ARNT: variants seen among roughly 807,000 people sequenced by gnomAD.
ARNT encodes class E basic helix-loop-helix protein 2.
A neutral mutation model predicts 105.0 loss-of-function variants in ARNT; 30 were observed. That is an observed-to-expected ratio of 0.29 (90% confidence interval 0.21 to 0.39). The LOEUF is 0.39. ARNT is among the 10% of genes least tolerant of loss of function. ARNT has a pLI of 1.00. For synonymous variants in ARNT, 304 were observed against 344.0 expected (o/e 0.88, Z 1.29); for missense variants, 748 against 978.7 (o/e 0.76, Z 3.15).
At chr1:150,871,907 CAA>C (rs776523588) in intron 1 of ARNT, among the ~76,000 whole-genome samples, 10 of 40,088 alleles carry the variant, frequency 2.5e-4, no homozygotes, top group Admixed American at 4.0e-4. Flanking sequence ...GACCCTGTCT[CAA>C]AAAAAAAAAA....
intron 2 of ARNT, among the ~76,000 whole-genome samples, chr1:150,856,679 C>T (rs1664674381): frequency 1.3e-5 from 2 of 152,118 alleles, no homozygotes; most frequent in South Asian, 4.1e-4. Flanking sequence ...AGGAGAATCC[C>T]TTGAACCAGA....
chr1:150,815,757 G>A (rs1449288772), intron 19 of ARNT, among the ~76,000 whole-genome samples: 1 of 150,738 alleles, frequency 6.6e-6, no homozygotes, highest in African/African-American at 2.4e-5. Flanking sequence ...CCAGCTACTT[G>A]GAAGGCTGAG....
In ARNT at chr1:150,810,816, A is replaced by G. The variant is rs147463981; in HGVS notation, c.*1205T>C. 9 of 219,890 alleles carry G rather than the reference A, an allele frequency of 4.1e-5. No individual in the cohort carries two copies. In the East Asian group the frequency reaches 6.0e-4, roughly 15 times the overall value. 13.6% of individuals were successfully genotyped at this position (219,890 alleles called of 1,614,324 possible). A position where few individuals can be genotyped will look rare whatever the true frequency, so the allele number is the denominator to read the frequency against. ...TACTTGCACTCTAAAGCAAAACCCA[A>G]TCTCAAGATTGGAGGGAGCAAAGAG... On this transcript the variant is annotated 3_prime_UTR_variant, in exon 22 of 22. Transcript: ENST00000358595.
intron 1 of ARNT, among the ~76,000 whole-genome samples, chr1:150,871,780 T>C (rs1571547418): frequency 6.7e-6 from 1 of 149,632 alleles, no homozygotes; most frequent in African/African-American, 2.4e-5. Context: ...TGATGGCAGG[T>C]GCCTGTAATC....
In ARNT at chr1:150,814,224, C is replaced by T; in HGVS notation, c.1966G>A (p.Ala656Thr). Residue 656 changes from alanine to threonine, a missense_variant, in exon 20 of 22, where the codon GCT (alanine) becomes ACT (threonine). Physicochemically the swap from Ala to Thr is moderately conservative, Grantham distance 58. Coordinates refer to ENST00000358595, the MANE Select transcript of ARNT (RefSeq NM_001668.4). ...GFSAQQVATQ[A>T]TAKTRTSQFG... is the part of the protein sequence containing the mutation. ...TGGGAAGTACGAGTCTTAGCAGTAG[C>T]CTGGGTAGCCACCTGCTAAAGAGAG... The T allele has an allele frequency of 1.9e-6, 3 of 1,614,036 alleles. No homozygotes were observed. Among genetic ancestry groups the T allele is most frequent in the Non-Finnish European group, 2.5e-6 (3 of 1,179,982 alleles).
At chr1:150,846,036 C>T (rs1466959771) in intron 4 of ARNT, among the ~76,000 whole-genome samples, 1 of 152,202 alleles carries the variant, frequency 6.6e-6, no homozygotes, top group Admixed American at 6.5e-5. Flanking sequence ...TTAGTTATCA[C>T]ATACACAGAA....
At chr1:150,842,177 A>G in intron 5 of ARNT, 1 of 798,186 alleles carries the variant, frequency 1.3e-6, no homozygotes, top group African/African-American at 1.9e-5. Context: ...ATAAAGAGAA[A>G]AAGAAAAAAA....
At chr1:150,842,845 AC>A (rs1661530805) in intron 4 of ARNT, among the ~76,000 whole-genome samples, 1 of 152,204 alleles carries the variant, frequency 6.6e-6, no homozygotes. Flanking sequence ...CTGAACAAGA[AC>A]CAACCAAGGG....
chr1:150,830,189 T>A, intron 10 of ARNT: 1 of 487,120 alleles, frequency 2.1e-6, no homozygotes, highest in Non-Finnish European at 3.7e-6. Context: ...CTACTAAAAA[T>A]ACAAAAATTA....
rs1238485591 is a variant in ARNT, at chr1:150,842,446, C to T, written c.250G>A (p.Ala84Thr). The change falls in exon 5 of 22, where the codon GCG (alanine) becomes ACG (threonine). Residue 84 changes from alanine (A) to threonine (T), a missense_variant. This residue lies in a region of ARNT where 291 missense variants were observed against 444.6 expected (regional missense o/e 0.65). Coordinates refer to ENST00000358595, the MANE Select transcript of ARNT (RefSeq NM_001668.4). ...TACCTGGCAAGTCTCTCTTTATCCG[C>T]AGAGCTCTGCTCATCATCCGACCTA... ...FARSDDEQSS[A>T]DKERLARENH... The T allele has an allele frequency of 4.3e-6, 7 of 1,610,010 alleles. No individual in the cohort carries two copies. The highest frequency in any genetic ancestry group is 1.3e-5 in the African/African-American group (1 of 74,518).
chr1:150,841,232 G>A (rs986704591), intron 5 of ARNT, among the ~76,000 whole-genome samples: 1 of 151,234 alleles, frequency 6.6e-6, no homozygotes, highest in Admixed American at 6.6e-5. Context: ...TTACAAGCAT[G>A]AGCCACTGCG....
At chr1:150,831,996 C>T (rs1659437725) in intron 9 of ARNT, 93 bp from the exon 10 acceptor site, 3 of 865,374 alleles carry the variant, frequency 3.5e-6, no homozygotes, top group Non-Finnish European at 5.5e-6. Flanking sequence ...AGTTTATGCT[C>T]TTAGGAGTTT....
intron 1 of ARNT, among the ~76,000 whole-genome samples, chr1:150,859,550 TCTCA>T (rs1285578869): frequency 6.6e-6 from 1 of 151,066 alleles, no homozygotes; most frequent in East Asian, 1.9e-4. Flanking sequence ...AGAGATAGGG[TCTCA>T]CTGTGTTCCC....
chr1:150,816,402 T>C lies in ARNT; in HGVS notation c.1807A>G (p.Ser603Gly), dbSNP rs1473453633. 7 of 1,603,420 alleles carry C rather than the reference T, an allele frequency of 4.4e-6. No individual in the cohort carries two copies. The highest frequency in any genetic ancestry group is 4.2e-6 in the Non-Finnish European group (5 of 1,177,110). ...ATGGTTACAGGAGGGGCTAGGCCACTATTCCTAGGAGTGAATAAATGAGGT... is the reference window on the plus strand; with the variant it reads ...ATGGTTACAGGAGGGGCTAGGCCACCATTCCTAGGAGTGAATAAATGAGGT... ...TPRPAENFRN[S>G]GLAPPVTIVQ... The change falls in exon 19 of 22, where the codon AGT becomes GGT. Residue 603 changes from serine (S) to glycine (G), a missense_variant. Ser to Gly is a moderately conservative substitution (Grantham distance 56). Transcript: ENST00000358595.
At chr1:150,816,195 T>C in intron 19 of ARNT, 64 bp downstream of exon 19, 2 of 1,529,908 alleles carry the variant, frequency 1.3e-6, no homozygotes, top group Non-Finnish European at 1.8e-6. Context: ...TGATTTTACA[T>C]ACGGAAAAAA....
intron 11 of ARNT, 104 bp downstream of exon 11, chr1:150,829,800 A>T: frequency 2.4e-6 from 3 of 1,242,418 alleles, no homozygotes; most frequent in Non-Finnish European, 3.4e-6. Flanking sequence ...AGTTTTATGG[A>T]ATTCTTCATT....
intron 1 of ARNT, among the ~76,000 whole-genome samples, chr1:150,873,504 C>T (rs587731865): frequency 1.8e-4 from 27 of 152,146 alleles, no homozygotes; most frequent in African/African-American, 6.5e-4. Flanking sequence ...AGAGTACCAA[C>T]CATATTTTAC....
At chr1:150,822,426 T>C (rs1012610167) in intron 14 of ARNT, among the ~76,000 whole-genome samples, 2 of 152,086 alleles carry the variant, frequency 1.3e-5, no homozygotes, top group African/African-American at 2.4e-5. Context: ...TAAGGTTAAG[T>C]TGATTACCAA....
chr1:150,873,141 T>G (rs1557979437), intron 1 of ARNT, among the ~76,000 whole-genome samples: 1 of 151,160 alleles, frequency 6.6e-6, no homozygotes, highest in Admixed American at 6.6e-5. Flanking sequence ...AAAAAAAAAT[T>G]AGCCGGGCGT....
Sources: gnomAD v4.1 joint callset for allele counts (sites outside exome capture counted in the v4.1 genomes callset) on GRCh38, gnomAD v4.1.1 for gene constraint, gnomAD v4.1.1 regional missense constraint, MANE v1.5 for transcripts, NCBI Gene and HGNC (gene_info 2026-07-23, HGNC 2026-07-21) for gene names.